Variants in UNC13C observed in about 807,000 individuals in gnomAD.
UNC13C encodes unc-13 homolog C.
Under a neutral mutation model 245.4 loss-of-function variants are expected in UNC13C, and 174 were observed. The ratio of observed to expected loss-of-function variants is 0.71; its 90% CI spans 0.63 to 0.80. The LOEUF (loss-of-function observed/expected upper bound fraction) is 0.80, where lower values mean the gene tolerates loss of function less well. Among genes scored for constraint, UNC13C ranks in the 30% least tolerant of loss-of-function variants. UNC13C has a pLI of 0.00. For synonymous variants in UNC13C, 992 were observed against 895.1 expected, an observed-to-expected ratio of 1.11 and a Z score of -1.93; for missense variants, 2,829 against 2,602.9, an observed-to-expected ratio of 1.09 and a Z score of -1.89.
At chr15:54,095,612 C>A (rs1403004165) in intron 2 of UNC13C, among the ~76,000 whole-genome samples, 2 of 152,204 alleles carry the variant, frequency 1.3e-5, no homozygotes, top group Non-Finnish European at 2.9e-5. Context: ...TAGGTCTCAT[C>A]CCAGACCTAC....
At chr15:54,447,057 T>G (rs573059300) in intron 19 of UNC13C, among the ~76,000 whole-genome samples, 1 of 152,256 alleles carries the variant, frequency 6.6e-6, no homozygotes, top group East Asian at 1.9e-4. Context: ...ATCATGTGGT[T>G]TTTGTCTTTT....
At chr15:54,201,498 G>A (rs1422152883) in intron 4 of UNC13C, among the ~76,000 whole-genome samples, 1 of 151,624 alleles carries the variant, frequency 6.6e-6, no homozygotes, top group Admixed American at 6.6e-5. Context: ...AGGAATGCAG[G>A]GATGGTTTAA....
chr15:53,950,409 G>A, the UNC13C span, among the ~76,000 whole-genome samples: 2 of 143,024 alleles, frequency 1.4e-5, no homozygotes, highest in African/African-American at 2.6e-5. Context: ...AAAAGTATCA[G>A]CAAAGACTAA....
chr15:54,151,757 C>G (rs1008788198), intron 4 of UNC13C, among the ~76,000 whole-genome samples: 5 of 152,132 alleles, frequency 3.3e-5, no homozygotes, highest in Non-Finnish European at 5.9e-5. Flanking sequence ...AATGGTTCTA[C>G]TTTGGGGAAG....
the UNC13C span, among the ~76,000 whole-genome samples, chr15:53,863,179 G>A: frequency 6.6e-6 from 1 of 152,166 alleles, no homozygotes; most frequent in Non-Finnish European, 1.5e-5. Context: ...AGAAAGAGGT[G>A]ACAGGTCCCA....
At chr15:54,456,235 G>T (rs947006009) in intron 19 of UNC13C, among the ~76,000 whole-genome samples, 2 of 152,136 alleles carry the variant, frequency 1.3e-5, no homozygotes, top group African/African-American at 4.8e-5. Context: ...CCAATATCAT[G>T]CTGTTTTGAT....
chr15:54,081,638 T>C (rs1347216988), intron 2 of UNC13C, among the ~76,000 whole-genome samples: 2 of 152,202 alleles, frequency 1.3e-5, no homozygotes, highest in Non-Finnish European at 2.9e-5. Context: ...TCCATTTGCA[T>C]GAGAGATCTT....
At chr15:54,613,327 TA>T (rs1314639172) in intron 30 of UNC13C, among the ~76,000 whole-genome samples, 1 of 151,884 alleles carries the variant, frequency 6.6e-6, no homozygotes, top group Non-Finnish European at 1.5e-5. Flanking sequence ...GTTGACATAT[TA>T]AAAAATGTCT....
At chr15:54,186,613 GA>G (rs1239111575) in intron 4 of UNC13C, among the ~76,000 whole-genome samples, 1 of 151,618 alleles carries the variant, frequency 6.6e-6, no homozygotes, top group Non-Finnish European at 1.5e-5. Flanking sequence ...TATTATAACA[GA>G]AAAAAATCCA....
At chr15:54,443,866 A>G (rs888518063) in intron 19 of UNC13C, among the ~76,000 whole-genome samples, 2 of 152,074 alleles carry the variant, frequency 1.3e-5, no homozygotes, top group Non-Finnish European at 2.9e-5. Context: ...GATGAGAAGA[A>G]TGTATATTCC....
intron 4 of UNC13C, among the ~76,000 whole-genome samples, chr15:54,178,589 G>C (rs137856909): frequency 1.3e-5 from 2 of 152,090 alleles, no homozygotes; most frequent in South Asian, 4.1e-4. Context: ...GCCTTTCCAA[G>C]GTGCAAAACG....
chr15:53,870,979 T>C, the UNC13C span, among the ~76,000 whole-genome samples: 7 of 152,042 alleles, frequency 4.6e-5, 1 homozygote, highest in Non-Finnish European at 1.0e-4. Context: ...ACTCCAACAC[T>C]ATTGTCATCC....
intron 14 of UNC13C, among the ~76,000 whole-genome samples, chr15:54,331,457 T>C (rs150360719): frequency 6.6e-6 from 1 of 152,230 alleles, no homozygotes; most frequent in African/African-American, 2.4e-5. Context: ...GCTGCATGTT[T>C]CTACTAATTT....
chr15:54,099,735 C>G (rs1900065170), intron 2 of UNC13C, among the ~76,000 whole-genome samples: 1 of 152,046 alleles, frequency 6.6e-6, no homozygotes, highest in African/African-American at 2.4e-5. Flanking sequence ...TGCAACCCAT[C>G]CACTCTAAGT....
At chr15:54,486,760 C>T (rs538396852) in intron 19 of UNC13C, among the ~76,000 whole-genome samples, 5 of 152,068 alleles carry the variant, frequency 3.3e-5, no homozygotes, top group Non-Finnish European at 7.4e-5. Flanking sequence ...TTTCTCTTTC[C>T]ATCCCATTCT....
intron 18 of UNC13C, among the ~76,000 whole-genome samples, chr15:54,403,919 A>C (rs552275802): frequency 6.6e-6 from 1 of 152,272 alleles, no homozygotes; most frequent in African/African-American, 2.4e-5. Flanking sequence ...TAAGTACAAA[A>C]GGAAAAATTT....
intron 30 of UNC13C, among the ~76,000 whole-genome samples, chr15:54,608,214 T>A (rs1435408784): frequency 1.3e-5 from 2 of 152,184 alleles, no homozygotes; most frequent in South Asian, 4.1e-4. Context: ...ATTAAATAGA[T>A]CATCTTACTC....
At chr15:54,084,014 A>G (rs1167843657) in intron 2 of UNC13C, among the ~76,000 whole-genome samples, 1 of 152,176 alleles carries the variant, frequency 6.6e-6, no homozygotes, top group Non-Finnish European at 1.5e-5. Context: ...CTGTGAGTGC[A>G]GGGGGTCTTC....
At chr15:54,297,950 T>C (rs2037479683) in intron 12 of UNC13C, 24 bp downstream of exon 12, 1 of 1,336,968 alleles carries the variant, frequency 7.5e-7, no homozygotes, top group Non-Finnish European at 1.0e-6. Flanking sequence ...ATTTTACTAA[T>C]ACAAAATATA....
Sources: allele counts gnomAD v4.1 joint callset (sites outside exome capture counted in the v4.1 genomes callset), GRCh38; gene constraint gnomAD v4.1.1; transcripts MANE v1.5; gene names NCBI Gene and HGNC (gene_info 2026-07-23, HGNC 2026-07-21).